The following KLF9 variants were observed in gnomAD, a reference collection of about 807,000 sequenced individuals.
KLF9 encodes KLF transcription factor 9.
KLF9 carries 2 observed loss-of-function variants against 17.3 expected under a neutral mutation model. The ratio of observed to expected loss-of-function variants is 0.12; its 90% CI spans 0.05 to 0.36. The LOEUF is 0.36. Ranked by LOEUF, KLF9 falls within the 10% of genes least tolerant of loss-of-function variation. The pLI, the probability that KLF9 is intolerant of heterozygous loss-of-function variation, is 1.00. For synonymous variants in KLF9, 138 were observed against 139.2 expected (o/e 0.99, Z 0.06); for missense variants, 226 against 333.2 (o/e 0.68, Z 2.51).
At position 70,385,543 on chromosome 9, in the gene KLF9, A is replaced by G. The variant is rs1029265733; in HGVS notation, c.*2233T>C. ...AAACTATAAAGATTGTCTTTCACTG[A>G]CTTTGCTTTGCTTTCTTTCGTTTCT... On this transcript the variant is annotated 3_prime_UTR_variant, in exon 2 of 2. Transcript: ENST00000377126. The G allele has an allele frequency of 4.6e-5, 7 of 152,628 alleles. No homozygotes were observed. The highest frequency in any genetic ancestry group is 7.2e-5 in the African/African-American group (3 of 41,448). The allele number at this position is 152,628 out of a possible 1,614,324, so 9.5% of individuals were successfully genotyped here.
intron 1 of KLF9, among the ~76,000 whole-genome samples, chr9:70,397,310 A>G (rs1054956984): frequency 1.8e-4 from 27 of 152,054 alleles, no homozygotes; most frequent in Non-Finnish European, 3.5e-4. Context: ...CCCTGTCTCT[A>G]CTAAAAATAC....
intron 1 of KLF9, among the ~76,000 whole-genome samples, chr9:70,393,929 G>A (rs1480152555): frequency 6.6e-6 from 1 of 151,898 alleles, no homozygotes; most frequent in Non-Finnish European, 1.5e-5. Context: ...GGCTGAGGCG[G>A]GAAGATTGCT....
intron 1 of KLF9, among the ~76,000 whole-genome samples, chr9:70,409,011 TAC>T (rs67788207): frequency 0.49 from 50,467 of 103,216 alleles, 13,368 homozygotes; most frequent in African/African-American, 0.6. Flanking sequence ...TATATATATA[TAC>T]ACATATATGT....
intron 1 of KLF9, among the ~76,000 whole-genome samples, chr9:70,398,003 G>A (rs189573597): frequency 2.0e-4 from 31 of 152,272 alleles, no homozygotes; most frequent in Non-Finnish European, 7.4e-5. Flanking sequence ...TCATTTCAAT[G>A]AACACTGAAC....
intron 1 of KLF9, among the ~76,000 whole-genome samples, chr9:70,404,020 C>T (rs553582998): frequency 4.0e-4 from 61 of 152,154 alleles, no homozygotes; most frequent in Non-Finnish European, 7.1e-4. Context: ...TGCCCAACTC[C>T]ACCCACCTAG....
intron 1 of KLF9, among the ~76,000 whole-genome samples, chr9:70,409,178 A>ATATG (rs2037290886): frequency 1.1e-5 from 1 of 90,484 alleles, no homozygotes; most frequent in African/African-American, 3.5e-5. Flanking sequence ...ATGTATATAT[A>ATATG]TGTATACATA....
chr9:70,394,121 C>T (rs181295895), intron 1 of KLF9, among the ~76,000 whole-genome samples: 111 of 151,728 alleles, frequency 7.3e-4, no homozygotes, highest in African/African-American at 2.5e-3. Flanking sequence ...TGGTAGCTCA[C>T]GCCTGTAATC....
chr9:70,392,066 TA>T (rs2037156634), intron 1 of KLF9, among the ~76,000 whole-genome samples: 1 of 152,184 alleles, frequency 6.6e-6, no homozygotes, highest in Non-Finnish European at 1.5e-5. Flanking sequence ...TGCACACCTA[TA>T]ATCCCAGCTA....
intron 1 of KLF9, among the ~76,000 whole-genome samples, chr9:70,398,165 C>G (rs2037195932): frequency 2.0e-5 from 3 of 152,240 alleles, no homozygotes; most frequent in Admixed American, 1.3e-4. Flanking sequence ...CTTCTGACCT[C>G]TCACTGAATC....
chr9:70,389,746 A>G (rs114341333), intron 1 of KLF9, among the ~76,000 whole-genome samples: 1 of 152,296 alleles, frequency 6.6e-6, no homozygotes, highest in African/African-American at 2.4e-5. Flanking sequence ...GAAGATGAGA[A>G]CCACACTTGT....
intron 1 of KLF9, among the ~76,000 whole-genome samples, chr9:70,403,038 TA>T (rs1406198721): frequency 2.6e-5 from 4 of 152,118 alleles, no homozygotes; most frequent in Non-Finnish European, 4.4e-5. Context: ...TAATCCCAGC[TA>T]TTCGGGAGGC....
intron 1 of KLF9, among the ~76,000 whole-genome samples, chr9:70,392,085 T>C (rs1198277493): frequency 6.6e-6 from 1 of 152,200 alleles, no homozygotes; most frequent in African/African-American, 2.4e-5. Flanking sequence ...CTACTGGGGA[T>C]GAGGCATGAG....
chr9:70,411,335 G>T (rs906699303), intron 1 of KLF9, among the ~76,000 whole-genome samples: 5 of 152,136 alleles, frequency 3.3e-5, no homozygotes, highest in African/African-American at 1.2e-4. Context: ...AGCCAGGCCC[G>T]CCCAACAGCT....
intron 1 of KLF9, among the ~76,000 whole-genome samples, chr9:70,408,949 C>T (rs1028113826): frequency 6.8e-5 from 10 of 146,570 alleles, no homozygotes; most frequent in African/African-American, 2.5e-4. Context: ...GTAGCCCCCA[C>T]CTCTCCTGGT....
intron 1 of KLF9, among the ~76,000 whole-genome samples, chr9:70,406,561 C>T (rs2118923674): frequency 6.6e-6 from 1 of 152,298 alleles, no homozygotes; most frequent in Admixed American, 6.5e-5. Flanking sequence ...TAACTTTCAA[C>T]AAAAAGTGGG....
At chr9:70,409,036 G>A (rs7389943) in intron 1 of KLF9, among the ~76,000 whole-genome samples, 15 of 124,548 alleles carry the variant, frequency 1.2e-4, no homozygotes, top group African/African-American at 3.3e-4. Flanking sequence ...ATATATATAT[G>A]TGTATATATA....
chr9:70,390,043 C>T (rs975927457), intron 1 of KLF9, among the ~76,000 whole-genome samples: 2 of 152,200 alleles, frequency 1.3e-5, no homozygotes, highest in African/African-American at 2.4e-5. Flanking sequence ...TTTTCCCCAG[C>T]GTCTCTTAAC....
intron 1 of KLF9, among the ~76,000 whole-genome samples, chr9:70,398,068 T>C (rs1442106868): frequency 6.6e-6 from 1 of 152,230 alleles, no homozygotes; most frequent in East Asian, 1.9e-4. Flanking sequence ...GCTTTGCATG[T>C]AGATGTTCTG....
intron 1 of KLF9, among the ~76,000 whole-genome samples, chr9:70,393,359 C>T (rs951291818): frequency 1.3e-5 from 2 of 152,142 alleles, no homozygotes; most frequent in African/African-American, 4.8e-5. Context: ...AGTCCTGAAA[C>T]GAATGGAGGT....
Sources: allele counts gnomAD v4.1 joint callset (sites outside exome capture counted in the v4.1 genomes callset), GRCh38; gene constraint gnomAD v4.1.1; transcripts MANE v1.5; gene names NCBI Gene and HGNC (gene_info 2026-07-23, HGNC 2026-07-21).